NAALADL2: variants seen among roughly 807,000 people sequenced by gnomAD.
NAALADL2 encodes the protein N-acetylated alpha-linked acidic dipeptidase like 2, also known as inactive N-acetylated-alpha-linked acidic dipeptidase-like protein 2.
Under a neutral mutation model 87.2 loss-of-function variants are expected in NAALADL2, and 76 were observed. The observed-to-expected ratio is 0.87, with a 90% CI of 0.72 to 1.05. The LOEUF (loss-of-function observed/expected upper bound fraction) is 1.05. Among genes scored for constraint, NAALADL2 ranks in the 50% least tolerant of loss-of-function variants. The pLI is 0.00. For missense variants in NAALADL2, 1,089 were observed against 945.8 expected (o/e 1.15, Z -1.99); for synonymous variants, 354 against 331.0 (o/e 1.07, Z -0.75).
At chr3:175,711,381 AT>A (rs1242674202) in intron 11 of NAALADL2, among the ~76,000 whole-genome samples, 1 of 151,850 alleles carries the variant, frequency 6.6e-6, no homozygotes, top group East Asian at 1.9e-4. Flanking sequence ...CAAAGAATCA[AT>A]TTTTTTAAAA....
At chr3:175,130,360 T>C (rs1599412) in intron 2 of NAALADL2, among the ~76,000 whole-genome samples, 83,534 of 151,966 alleles carry the variant, frequency 0.55, 23,553 homozygotes, top group African/African-American at 0.67. Context: ...GTAGTCCCAC[T>C]TGTTTATTTT....
chr3:174,832,967 A>T (rs1401665768), intron 3 of NAALADL2, among the ~76,000 whole-genome samples: 1 of 152,146 alleles, frequency 6.6e-6, no homozygotes, highest in Non-Finnish European at 1.5e-5. Flanking sequence ...TCATACCTAC[A>T]GCTATGACTA....
intron 10 of NAALADL2, among the ~76,000 whole-genome samples, chr3:175,591,881 T>C (rs1721535988): frequency 1.3e-5 from 2 of 150,898 alleles, no homozygotes; most frequent in Admixed American, 1.3e-4. Flanking sequence ...GACAACATTA[T>C]GTAATACAGA....
intron 1 of NAALADL2, among the ~76,000 whole-genome samples, chr3:174,462,477 G>T (rs1434295332): frequency 6.6e-6 from 1 of 152,086 alleles, no homozygotes; most frequent in Non-Finnish European, 1.5e-5. Flanking sequence ...CAGATACTAT[G>T]TATTTTTATA....
intron 2 of NAALADL2, among the ~76,000 whole-genome samples, chr3:174,660,889 T>G (rs914908859): frequency 6.6e-6 from 1 of 152,090 alleles, no homozygotes; most frequent in Non-Finnish European, 1.5e-5. Flanking sequence ...AAAGATGCAT[T>G]ATGTTTGAGT....
intron 11 of NAALADL2, among the ~76,000 whole-genome samples, chr3:175,635,871 C>T (rs1012974378): frequency 6.6e-5 from 10 of 151,986 alleles, no homozygotes; most frequent in African/African-American, 2.4e-4. Context: ...GATCAAATAT[C>T]CCTCCAAAAA....
At chr3:174,642,318 T>C (rs554077788) in intron 2 of NAALADL2, among the ~76,000 whole-genome samples, 1 of 151,774 alleles carries the variant, frequency 6.6e-6, no homozygotes, top group East Asian at 2.0e-4. Context: ...CTGGCCAACA[T>C]GGTGAAACCC....
chr3:175,473,089 GTAAA>G (rs1725132256), intron 9 of NAALADL2, among the ~76,000 whole-genome samples: 1 of 152,014 alleles, frequency 6.6e-6, no homozygotes, highest in Non-Finnish European at 1.5e-5. Context: ...AAATTGATGG[GTAAA>G]TAGAAATAGT....
chr3:174,632,456 C>A (rs1464168195), intron 2 of NAALADL2, among the ~76,000 whole-genome samples: 2 of 151,862 alleles, frequency 1.3e-5, no homozygotes, highest in Non-Finnish European at 2.9e-5. Flanking sequence ...TTAATAAATT[C>A]TATAAAAGCA....
intron 2 of NAALADL2, among the ~76,000 whole-genome samples, chr3:175,148,874 G>A (rs4488873): frequency 0.28 from 43,170 of 151,986 alleles, 6,588 homozygotes; most frequent in South Asian, 0.35. Context: ...GTCAGGTAAC[G>A]TGATACATCT....
chr3:175,192,714 A>T (rs1216539611), intron 2 of NAALADL2, among the ~76,000 whole-genome samples: 1 of 152,084 alleles, frequency 6.6e-6, no homozygotes, highest in African/African-American at 2.4e-5. Context: ...ATGTTAGCCA[A>T]ATATATCTAG....
At chr3:175,098,894 T>G (rs1172846379) in intron 2 of NAALADL2, among the ~76,000 whole-genome samples, 3 of 36,878 alleles carry the variant, frequency 8.1e-5, no homozygotes, top group Admixed American at 2.6e-4. Flanking sequence ...CAATTATGTG[T>G]TTTTTTTTTT....
intron 5 of NAALADL2, among the ~76,000 whole-genome samples, chr3:175,423,028 A>AAAAAATATATATATAT (rs1438736874): frequency 2.7e-5 from 3 of 111,318 alleles, no homozygotes; most frequent in Non-Finnish European, 5.1e-5. Flanking sequence ...GAAAAAAAAA[A>AAAAAATATATATATAT]ATATATATAT....
intron 3 of NAALADL2, among the ~76,000 whole-genome samples, chr3:174,760,832 G>A (rs866842504): frequency 1.6e-4 from 24 of 152,142 alleles, no homozygotes; most frequent in Middle Eastern, 3.2e-3. Context: ...TTTTGAATTC[G>A]GTTCAATTAC....
intron 2 of NAALADL2, among the ~76,000 whole-genome samples, chr3:174,697,319 C>A (rs1729118710): frequency 1.3e-5 from 2 of 152,078 alleles, no homozygotes; most frequent in South Asian, 2.1e-4. Flanking sequence ...ACTTTGTATA[C>A]AACATAAAAG....
chr3:175,060,393 C>T (rs1713177542), intron 1 of NAALADL2, among the ~76,000 whole-genome samples: 1 of 152,196 alleles, frequency 6.6e-6, no homozygotes, highest in Non-Finnish European at 1.5e-5. Context: ...TTATAGACTT[C>T]ACTTATAAGA....
At chr3:174,588,794 G>T (rs1349357660) in intron 2 of NAALADL2, among the ~76,000 whole-genome samples, 2 of 152,124 alleles carry the variant, frequency 1.3e-5, no homozygotes, top group African/African-American at 2.4e-5. Context: ...CCTACTGGGG[G>T]GTGCCTCCCA....
intron 2 of NAALADL2, among the ~76,000 whole-genome samples, chr3:174,600,117 T>C (rs1251878187): frequency 6.6e-6 from 1 of 152,076 alleles, no homozygotes; most frequent in Non-Finnish European, 1.5e-5. Flanking sequence ...TATATGATAA[T>C]CCCTTACAGT....
At chr3:174,789,781 A>G (rs2109195490) in intron 3 of NAALADL2, among the ~76,000 whole-genome samples, 1 of 152,342 alleles carries the variant, frequency 6.6e-6, no homozygotes, top group South Asian at 2.1e-4. Context: ...AGCAACCAGC[A>G]ATGGCTAAGT....
Sources: gnomAD v4.1 joint callset for allele counts (sites outside exome capture counted in the v4.1 genomes callset) on GRCh38, gnomAD v4.1.1 for gene constraint, MANE v1.5 for transcripts, NCBI Gene and HGNC (gene_info 2026-07-23, HGNC 2026-07-21) for gene names.